Variants in GOLGA3 observed in about 807,000 individuals in gnomAD.
GOLGA3 encodes golgin A3.
A neutral mutation model predicts 169.4 loss-of-function variants in GOLGA3; 75 were observed. The ratio of observed to expected loss-of-function variants is 0.44; its 90% CI spans 0.37 to 0.54. GOLGA3 has a LOEUF of 0.54. Among genes scored for constraint, GOLGA3 ranks in the 20% least tolerant of loss-of-function variants. GOLGA3 has a pLI of 0.00. For missense variants in GOLGA3, 1,899 were observed against 1,930.0 expected, an observed-to-expected ratio of 0.98 and a Z score of 0.30; for synonymous variants, 824 against 822.4, an observed-to-expected ratio of 1.00 and a Z score of -0.03.
chr12:132,785,847 C>G (rs2045869809), intron 15 of GOLGA3, among the ~76,000 whole-genome samples: 2 of 152,334 alleles, frequency 1.3e-5, no homozygotes, highest in South Asian at 4.1e-4. Context: ...ACGGAAGGCT[C>G]TGCTCAGAGC....
chr12:132,823,128 C>T (rs1462164763), intron 1 of GOLGA3, among the ~76,000 whole-genome samples: 1 of 152,202 alleles, frequency 6.6e-6, no homozygotes, highest in Non-Finnish European at 1.5e-5. Flanking sequence ...AAGGCAGCTG[C>T]CTTGGAGTGG....
rs1656070447 is a variant in GOLGA3, at chr12:132,796,099, TC to T, written c.2221del (p.Asp741MetfsTer70). 1 of 1,613,000 alleles carries T rather than the reference TC, an allele frequency of 6.2e-7. No individual in the cohort carries two copies. Among genetic ancestry groups the T allele is most frequent in the Non-Finnish European group, 8.5e-7 (1 of 1,179,896 alleles). On this transcript the variant is annotated frameshift_variant, in exon 11 of 24. Transcript: ENST00000450791. LOFTEE classifies it high-confidence loss of function. ...EALQSREQSLDALQTHYDELQ... is the reference protein window; with the variant it reads ...EALQSREQSLXALQTHYDELQ... ...CTCATCGTAGTGTGTCTGCAGGGCA[TC>T]GAGGGACTGCTCCCTGCTCTGCAGA...
At chr12:132,813,971 G>A (rs111944392) in intron 3 of GOLGA3, among the ~76,000 whole-genome samples, 17,372 of 149,690 alleles carry the variant, frequency 0.12, 1,307 homozygotes, top group South Asian at 0.17. Flanking sequence ...TGATCCACCC[G>A]CCTCGGCCTC....
Position 132,802,463 on chromosome 12 carries a change from CAA to C in GOLGA3, c.1598-496_1598-495del, listed in dbSNP as rs35207247. On this transcript the variant is annotated intron_variant, in intron 7 of 23. Coordinates refer to ENST00000450791, the MANE Select transcript of GOLGA3 (RefSeq NM_001389683.1). ...GCAACACAGCGAGATCCCCCACCAC[CAA>C]AAAAAAAAAATTAGCCAGGCGGGGT... Among the ~76,000 whole-genome samples, 674 of 144,958 alleles carry C rather than the reference CAA, an allele frequency of 4.6e-3. 5 individuals carry two copies. The highest frequency in any genetic ancestry group is 0.015 in the African/African-American group (603 of 39,378).
chr12:132,798,260 G>A (rs947881278), intron 9 of GOLGA3, 80 bp downstream of exon 9: 67 of 1,329,636 alleles, frequency 5.0e-5, no homozygotes, highest in Non-Finnish European at 6.6e-5. Context: ...ACAGAGAGAC[G>A]GAACATGTAA....
In GOLGA3 at chr12:132,786,404, C is replaced by T. The variant is rs1351969772; in HGVS notation, c.3058G>A (p.Ala1020Thr). The T allele has an allele frequency of 1.2e-6, 2 of 1,612,826 alleles. No homozygotes were observed. The highest frequency in any genetic ancestry group is 1.3e-5 in the African/African-American group (1 of 74,898). The change falls in exon 15 of 24, where the codon GCG (alanine) becomes ACG (threonine). Residue 1020 changes from alanine (A) to threonine (T), a missense_variant. Physicochemically the swap from Ala to Thr is moderately conservative, Grantham distance 58. Coordinates refer to ENST00000450791, the MANE Select transcript of GOLGA3 (RefSeq NM_001389683.1). ...CGGAGCTGGCCCAGCTCCGCGTCCG[C>T]AGCCTCCTTGGCCGCGAGGGCCTCC... is the stretch of plus-strand genomic sequence containing the variant. ...LQEALAAKEA[A>T]DAELGQLRAQ...
In GOLGA3 at chr12:132,774,417, G is replaced by A. The variant is rs2045103533; in HGVS notation, c.4144-97C>T. ...TGGCAAACGGGCCTCCCCAACTGGT[G>A]GACGTGGGGCCTCTGGGAAGGGGAC... is the stretch of plus-strand genomic sequence containing the variant. On this transcript the variant is annotated intron_variant, in intron 22 of 23. Transcript: ENST00000450791. 2.3e-5 allele frequency: 31 copies of A among 1,377,264 alleles called. No individual in the cohort carries two copies. In the South Asian group the frequency reaches 2.4e-4, roughly 11 times the overall value. The allele number at this position is 1,377,264 out of a possible 1,614,324, so 85.3% of individuals were successfully genotyped here.
At chr12:132,806,331 G>A (rs1026458005) in intron 6 of GOLGA3, among the ~76,000 whole-genome samples, 17 of 152,222 alleles carry the variant, frequency 1.1e-4, no homozygotes, top group African/African-American at 3.4e-4. Context: ...AAATGCATCC[G>A]ACGGAGGGAG....
At chr12:132,782,945 C>A (rs901870222) in intron 16 of GOLGA3, among the ~76,000 whole-genome samples, 4 of 151,488 alleles carry the variant, frequency 2.6e-5, no homozygotes, top group Admixed American at 2.0e-4. Flanking sequence ...ATGGGCTGGA[C>A]GCAGTGACTC....
intron 9 of GOLGA3, 80 bp downstream of exon 9, chr12:132,798,260 G>T (rs947881278): frequency 1.5e-6 from 2 of 1,329,634 alleles, no homozygotes; most frequent in Non-Finnish European, 2.1e-6. Context: ...ACAGAGAGAC[G>T]GAACATGTAA....
rs541970639 is a variant in GOLGA3, at chr12:132,810,822, C to T, written c.520-2273G>A. 5.3e-5 allele frequency among the ~76,000 whole-genome samples: 8 copies of T among 152,318 alleles called. No homozygotes were observed. In the South Asian group the frequency reaches 1.7e-3, roughly 32 times the overall value. On this transcript the variant is annotated intron_variant, in intron 4 of 23. Transcript: ENST00000450791. ...TGGAGGGCCTGACGTCAGTCAGGCC[C>T]GCGCACAGTTATCCGGAGGCCTAAC...
intron 1 of GOLGA3, among the ~76,000 whole-genome samples, chr12:132,824,395 T>C (rs1054400213): frequency 6.6e-6 from 1 of 152,234 alleles, no homozygotes; most frequent in Non-Finnish European, 1.5e-5. Context: ...AACAGTGTTG[T>C]TCAGAATATT....
chr12:132,777,552 G>T lies in GOLGA3; in HGVS notation c.3722+114C>A. The stretch of plus-strand genomic sequence containing the variant: ...CCTTCTACTCCTATGATTCACTCAA[G>T]TACTCGGCAATTTGCAAAATATAGA... On this transcript the variant is annotated intron_variant, in intron 19 of 23. Transcript: ENST00000450791. This position sits in a 1 kb window ranked among gnomAD's most constrained non-coding sequence, Gnocchi z 4.7. 8.5e-7 allele frequency: 1 copy of T among 1,173,870 alleles called. No individual in the cohort carries two copies. Among genetic ancestry groups the T allele is most frequent in the African/African-American group, 1.5e-5 (1 of 65,956 alleles). 72.7% of individuals were successfully genotyped at this position (1,173,870 alleles called of 1,614,324 possible).
rs1318433664 is a variant in GOLGA3, at chr12:132,771,753, G to C, written c.*1352C>G. 1 of 152,248 alleles carries C rather than the reference G, an allele frequency of 6.6e-6. No homozygotes were observed. The highest frequency in any genetic ancestry group is 1.5e-5 in the Non-Finnish European group (1 of 68,066). The allele number at this position is 152,248 out of a possible 1,614,324, so 9.4% of individuals were successfully genotyped here. A position where few individuals can be genotyped will look rare whatever the true frequency, so the allele number is the denominator to read the frequency against. ...ACAATGGTAAAGATTTTCACTTGGG[G>C]AACAGGAGTGTGAGGTTTGTTACCG... On this transcript the variant is annotated 3_prime_UTR_variant, in exon 24 of 24. Transcript: ENST00000450791.
chr12:132,786,578 C>A, intron 14 of GOLGA3, 23 bp from the exon 15 acceptor site: 1 of 1,609,928 alleles, frequency 6.2e-7, no homozygotes, highest in Non-Finnish European at 8.5e-7. Context: ...GAGGGAGACA[C>A]AGGAGGAAGC....
chr12:132,820,577 CTG>C (rs1183730390), intron 2 of GOLGA3, among the ~76,000 whole-genome samples: 1 of 152,154 alleles, frequency 6.6e-6, no homozygotes, highest in Non-Finnish European at 1.5e-5. Flanking sequence ...AGGAATTAGA[CTG>C]TGACTTCTGC....
At chr12:132,803,381 C>T (rs1162117162) in intron 7 of GOLGA3, among the ~76,000 whole-genome samples, 1 of 152,212 alleles carries the variant, frequency 6.6e-6, no homozygotes, top group Non-Finnish European at 1.5e-5. Context: ...GAGGCTCTGT[C>T]TTCGACCCAA....
At chr12:132,810,438 T>C (rs950790278) in intron 4 of GOLGA3, among the ~76,000 whole-genome samples, 16 of 152,158 alleles carry the variant, frequency 1.1e-4, no homozygotes, top group Non-Finnish European at 1.8e-4. Context: ...AGAATAGTTA[T>C]ACCAGATATA....
chr12:132,777,006 C>A lies in GOLGA3; in HGVS notation c.3807G>T (p.Gln1269His). 1.9e-6 allele frequency: 3 copies of A among 1,611,060 alleles called. No individual in the cohort carries two copies. The highest frequency in any genetic ancestry group is 2.5e-6 in the Non-Finnish European group (3 of 1,178,746). The change falls in exon 20 of 24, where the codon CAG (glutamine) becomes CAT (histidine). Residue 1269 changes from glutamine to histidine, a missense_variant. Transcript: ENST00000450791. The surrounding 1 kb of genome is among the most constrained non-coding windows in gnomAD (Gnocchi z 4.7). ...AEARAQLQLLQKQLDEQLSKQ... is the reference protein window; with the variant it reads ...AEARAQLQLLHKQLDEQLSKQ... Reference sequence around the variant, plus strand: ...TGCTGAGCTGCTCGTCCAGCTGCTTCTGCAGGAGCTGGAGCTGTGCCCGGG... The same window carrying A: ...TGCTGAGCTGCTCGTCCAGCTGCTTATGCAGGAGCTGGAGCTGTGCCCGGG...
Sources: allele counts gnomAD v4.1 joint callset (sites outside exome capture counted in the v4.1 genomes callset), GRCh38; gene constraint gnomAD v4.1.1; non-coding constraint Gnocchi (gnomAD v3.1); transcripts MANE v1.5; gene names NCBI Gene and HGNC (gene_info 2026-07-23, HGNC 2026-07-21).